ANO3: variants seen among roughly 807,000 people sequenced by gnomAD.
The protein encoded by ANO3 is anoctamin-3.
Under a neutral mutation model 144.8 loss-of-function variants are expected in ANO3, and 99 were observed. The ratio of observed to expected loss-of-function variants is 0.68; its 90% CI spans 0.58 to 0.81. The LOEUF is 0.81. Ranked by LOEUF, ANO3 falls within the 30% of genes least tolerant of loss-of-function variation. The pLI, the probability that ANO3 is intolerant of heterozygous loss-of-function variation, is 0.00. For synonymous variants in ANO3, 414 were observed against 392.6 expected (o/e 1.05, Z -0.64); for missense variants, 905 against 1,202.2 (o/e 0.75, Z 3.66).
At chr11:26,300,259 A>G (rs978028678) in intron 1 of ANO3, among the ~76,000 whole-genome samples, 5 of 152,088 alleles carry the variant, frequency 3.3e-5, no homozygotes, top group African/African-American at 1.2e-4. Flanking sequence ...GACACCAAAC[A>G]GACACACACA....
Position 26,573,236 on chromosome 11 carries a change from G to A in ANO3, c.1447+13457G>A, listed in dbSNP as rs956359739. On this transcript the variant is annotated intron_variant, in intron 14 of 26. Coordinates refer to ENST00000256737, the MANE Select transcript of ANO3 (RefSeq NM_031418.4). ...AAGAATCTGCCCAGTTAATTGGCCC[G>A]AGGAAAGAACAAGGTAATTCTATAG... Among the ~76,000 whole-genome samples the A allele has an allele frequency of 2.6e-5, 4 of 152,156 alleles. No individual in the cohort carries two copies. The East Asian group carries it at 5.8e-4, about 22-fold the overall frequency.
intron 1 of ANO3, among the ~76,000 whole-genome samples, chr11:26,378,762 C>G (rs1042745014): frequency 1.3e-5 from 2 of 151,974 alleles, no homozygotes; most frequent in Non-Finnish European, 2.9e-5. Context: ...GTCAATGGGT[C>G]TGTTAACTGT....
chr11:26,497,005 GAC>G (rs1217389093), intron 4 of ANO3, among the ~76,000 whole-genome samples: 3 of 78,482 alleles, frequency 3.8e-5, no homozygotes, highest in Non-Finnish European at 5.1e-5. Flanking sequence ...TACACACACA[GAC>G]ACACACACAT....
chr11:26,248,059 G>A (rs1852839771), intron 1 of ANO3, among the ~76,000 whole-genome samples: 1 of 151,986 alleles, frequency 6.6e-6, no homozygotes, highest in African/African-American at 2.4e-5. Context: ...AGGAAGGATT[G>A]GCCGAGCATG....
chr11:26,283,311 C>CAAAT (rs200363076), intron 1 of ANO3, among the ~76,000 whole-genome samples: 16 of 72,684 alleles, frequency 2.2e-4, no homozygotes, highest in Admixed American at 3.9e-4. Flanking sequence ...CCAAAATAAA[C>CAAAT]AAATAAATAA....
At chr11:26,302,930 CAT>C (rs1187448589) in intron 1 of ANO3, among the ~76,000 whole-genome samples, 2 of 152,084 alleles carry the variant, frequency 1.3e-5, no homozygotes, top group Admixed American at 1.3e-4. Flanking sequence ...AGCCAACAAA[CAT>C]ATGAAAAAAT....
chr11:26,318,596 T>C (rs1162358872), intron 1 of ANO3, among the ~76,000 whole-genome samples: 1 of 152,250 alleles, frequency 6.6e-6, no homozygotes, highest in Non-Finnish European at 1.5e-5. Flanking sequence ...AATTAAGTGC[T>C]AAATTATTTA....
chr11:26,441,950 G>A lies in ANO3; in HGVS notation c.79G>A (p.Glu27Lys). 3.1e-6 allele frequency: 5 copies of A among 1,613,668 alleles called. No individual in the cohort carries two copies. The highest frequency in any genetic ancestry group is 4.2e-6 in the Non-Finnish European group (5 of 1,179,904). Residue 27 changes from glutamate (E) to lysine (K), a missense_variant, in exon 2 of 27, where the codon GAA (glutamate) becomes AAA (lysine). Physicochemically the swap from Glu to Lys is moderately conservative, Grantham distance 56 (BLOSUM62 1). This residue lies in a region of ANO3 where 174 missense variants were observed against 171.9 expected (regional missense o/e 1.01). Coordinates refer to ENST00000256737, the MANE Select transcript of ANO3 (RefSeq NM_031418.4). The stretch of plus-strand genomic sequence containing the variant: ...TATAAGCAAGAGTGAGATAACAAAA[G>A]AAACTTCGTTAAAACCGTCTCGGAG... ...MNISKSEITK[E>K]TSLKPSRRSL...
intron 17 of ANO3, among the ~76,000 whole-genome samples, chr11:26,605,679 G>T (rs1484361533): frequency 6.6e-6 from 1 of 152,038 alleles, no homozygotes; most frequent in Non-Finnish European, 1.5e-5. Context: ...ATCTGTCCAG[G>T]AATTTCTTCC....
intron 1 of ANO3, among the ~76,000 whole-genome samples, chr11:26,434,959 C>G (rs1858242407): frequency 6.6e-6 from 1 of 152,118 alleles, no homozygotes; most frequent in South Asian, 2.1e-4. Context: ...ATGTTGAGTT[C>G]AGGTCCTGAA....
intron 14 of ANO3, chr11:26,565,581 G>C (rs142118064): frequency 1.1e-5 from 17 of 1,613,350 alleles, no homozygotes; most frequent in South Asian, 4.4e-5. Context: ...AGAATGCTCT[G>C]CTGATGAGTT....
intron 1 of ANO3, among the ~76,000 whole-genome samples, chr11:26,202,694 C>T (rs1402656301): frequency 6.6e-6 from 1 of 151,356 alleles, no homozygotes; most frequent in Non-Finnish European, 1.5e-5. Context: ...TGGTCAACCA[C>T]ACGAAGGCAT....
At chr11:26,529,764 A>G (rs1849317872) in intron 7 of ANO3, among the ~76,000 whole-genome samples, 1 of 151,926 alleles carries the variant, frequency 6.6e-6, no homozygotes, top group Non-Finnish European at 1.5e-5. Flanking sequence ...AGACTTTCAG[A>G]GTCCATCTCT....
chr11:26,320,204 A>G (rs999750482), intron 1 of ANO3, among the ~76,000 whole-genome samples: 1 of 152,200 alleles, frequency 6.6e-6, no homozygotes, highest in Non-Finnish European at 1.5e-5. Context: ...TCTAACTAGA[A>G]TCTATCTTCC....
intron 1 of ANO3, among the ~76,000 whole-genome samples, chr11:26,232,953 C>G (rs1478830704): frequency 6.6e-6 from 1 of 152,170 alleles, no homozygotes; most frequent in South Asian, 2.1e-4. Context: ...CACAGTGGCT[C>G]AAGCCTGTAA....
intron 3 of ANO3, among the ~76,000 whole-genome samples, chr11:26,448,466 A>G (rs144609728): frequency 6.6e-6 from 1 of 152,174 alleles, no homozygotes. Context: ...GTTCTGAAAC[A>G]TTTATTTGCT....
chr11:26,562,397 G>C (rs1850328497), intron 14 of ANO3, among the ~76,000 whole-genome samples: 1 of 151,834 alleles, frequency 6.6e-6, no homozygotes, highest in South Asian at 2.1e-4. Context: ...ATGGTGACAA[G>C]AATCCCTTGT....
At chr11:26,472,932 T>C (rs746751643) in intron 4 of ANO3, among the ~76,000 whole-genome samples, 10 of 151,960 alleles carry the variant, frequency 6.6e-5, no homozygotes, top group African/African-American at 9.7e-5. Context: ...GACACTTCTG[T>C]TTTAAAAAAC....
intron 14 of ANO3, among the ~76,000 whole-genome samples, chr11:26,585,528 A>G (rs1413683808): frequency 1.3e-5 from 2 of 151,980 alleles, no homozygotes; most frequent in Admixed American, 6.6e-5. Flanking sequence ...TTGCTCTTAT[A>G]TATCAGATTT....
Sources: allele counts gnomAD v4.1 joint callset (sites outside exome capture counted in the v4.1 genomes callset), GRCh38; gene constraint gnomAD v4.1.1; regional missense constraint gnomAD v4.1.1; transcripts MANE v1.5; gene names NCBI Gene and HGNC (gene_info 2026-07-23, HGNC 2026-07-21).